Variants in ASH1L observed in about 807,000 individuals in gnomAD.
ASH1L encodes ASH1 like histone lysine methyltransferase.
Under a neutral mutation model 269.0 loss-of-function variants are expected in ASH1L, and 23 were observed. The observed-to-expected ratio is 0.09, with a 90% CI of 0.06 to 0.12. The LOEUF (loss-of-function observed/expected upper bound fraction) is 0.12. Ranked by LOEUF, ASH1L falls within the 10% of genes least tolerant of loss-of-function variation. ASH1L has a pLI of 1.00. For missense variants in ASH1L, 2,912 were observed against 3,567.8 expected, an observed-to-expected ratio of 0.82 and a Z score of 4.68; for synonymous variants, 1,187 against 1,253.5, an observed-to-expected ratio of 0.95 and a Z score of 1.12.
At chr1:155,391,867 A>C (rs2148475654) in intron 7 of ASH1L, among the ~76,000 whole-genome samples, 1 of 152,214 alleles carries the variant, frequency 6.6e-6, no homozygotes, top group South Asian at 2.1e-4. Context: ...GAAGTGGGAG[A>C]ATCACTTGAG....
chr1:155,449,360 CTT>C (rs1265521113), intron 4 of ASH1L, among the ~76,000 whole-genome samples: 4 of 152,144 alleles, frequency 2.6e-5, no homozygotes, highest in Non-Finnish European at 5.9e-5. Context: ...AATTTCATAA[CTT>C]GTGTTACTGA....
chr1:155,339,863 A>G (rs1329003929), intron 25 of ASH1L, among the ~76,000 whole-genome samples: 5 of 152,304 alleles, frequency 3.3e-5, no homozygotes, highest in African/African-American at 1.2e-4. Flanking sequence ...CTAAACATAG[A>G]AAAGGTATTA....
At chr1:155,507,535 A>G (rs1162240673) in intron 2 of ASH1L, among the ~76,000 whole-genome samples, 1 of 152,176 alleles carries the variant, frequency 6.6e-6, no homozygotes, top group Non-Finnish European at 1.5e-5. Flanking sequence ...TTTCAATGCT[A>G]TTTGACTAAT....
At chr1:155,387,499 C>T (rs933016857) in intron 7 of ASH1L, among the ~76,000 whole-genome samples, 6 of 152,120 alleles carry the variant, frequency 3.9e-5, no homozygotes, top group Non-Finnish European at 8.8e-5. Context: ...TATGTGTCTG[C>T]TCTTGTATCA....
chr1:155,415,966 G>A, intron 5 of ASH1L, 43 bp from the exon 6 acceptor site: 4 of 1,372,648 alleles, frequency 2.9e-6, no homozygotes, highest in East Asian at 2.6e-5. Context: ...TGAAAAAAAA[G>A]TTTTCCTACA....
intron 2 of ASH1L, among the ~76,000 whole-genome samples, chr1:155,487,386 T>A (rs1465101856): frequency 2.0e-5 from 3 of 152,254 alleles, no homozygotes; most frequent in Middle Eastern, 3.4e-3. Flanking sequence ...ACTACTTTTT[T>A]ATTTTTTTTA....
At chr1:155,366,253 G>A (rs1339202918) in intron 12 of ASH1L, among the ~76,000 whole-genome samples, 1 of 152,188 alleles carries the variant, frequency 6.6e-6, no homozygotes, top group Non-Finnish European at 1.5e-5. Flanking sequence ...TGCCATGACA[G>A]TTAACAAACA....
At position 155,338,373 on chromosome 1, in the gene ASH1L, T is replaced by G. The variant is rs1322664373; in HGVS notation, c.8519A>C (p.Glu2840Ala). 3.1e-6 allele frequency: 5 copies of G among 1,612,914 alleles called. No individual in the cohort carries two copies. The East Asian group carries it at 8.9e-5, about 29-fold the overall frequency. Reference sequence around the variant, plus strand: ...GTCTTTTAGGGGTGGCTTTGAGCGCTCAGACTTCCAGGATGATCTGCCAGA... The same window carrying G: ...GTCTTTTAGGGGTGGCTTTGAGCGCGCAGACTTCCAGGATGATCTGCCAGA... ...RNGGRSSWKS[E>A]RSKPPLKDLG... The change falls in exon 27 of 28, where the codon GAG becomes GCG. Residue 2840 changes from glutamate (E) to alanine (A), a missense_variant. Physicochemically the swap from Glu to Ala is moderately radical, Grantham distance 107. This residue lies in a region of ASH1L where 154 missense variants were observed against 165.0 expected (regional missense o/e 0.93). Transcript: ENST00000392403.
intron 2 of ASH1L, among the ~76,000 whole-genome samples, chr1:155,501,420 G>A (rs1005692805): frequency 1.3e-5 from 2 of 152,084 alleles, no homozygotes; most frequent in Non-Finnish European, 2.9e-5. Context: ...ACCTAGGCTG[G>A]AGTGCAGTAG....
At chr1:155,426,080 T>A (rs1431364328) in intron 5 of ASH1L, among the ~76,000 whole-genome samples, 1 of 151,484 alleles carries the variant, frequency 6.6e-6, no homozygotes, top group Non-Finnish European at 1.5e-5. Flanking sequence ...TTATTTATTT[T>A]TTAAGACAGG....
intron 1 of ASH1L, among the ~76,000 whole-genome samples, chr1:155,546,373 G>T (rs894052636): frequency 6.6e-6 from 1 of 151,984 alleles, no homozygotes; most frequent in African/African-American, 2.4e-5. Context: ...AATGGTAAAG[G>T]GGAAAGGGAG....
rs200721665 is a variant in ASH1L, at chr1:155,447,334, T to C, written c.5087-8266A>G. On this transcript the variant is annotated intron_variant, in intron 4 of 27. Transcript: ENST00000392403. Reference sequence around the variant, plus strand: ...ACAATTAGGTGATTTTTCTCATGTATTGTTTTTCTTAAAAAATATTAATTT... The same window carrying C: ...ACAATTAGGTGATTTTTCTCATGTACTGTTTTTCTTAAAAAATATTAATTT... Among the ~76,000 whole-genome samples, 201 of 152,324 alleles carry C rather than the reference T, an allele frequency of 1.3e-3. 5 individuals are homozygous for C. In the South Asian group the frequency reaches 0.036, roughly 27 times the overall value.
chr1:155,449,318 A>G (rs1223618252), intron 4 of ASH1L, among the ~76,000 whole-genome samples: 2 of 152,078 alleles, frequency 1.3e-5, no homozygotes, highest in East Asian at 3.9e-4. Flanking sequence ...AATTATTTAG[A>G]AGTGTGTTAT....
intron 10 of ASH1L, among the ~76,000 whole-genome samples, chr1:155,376,661 G>C (rs991474274): frequency 6.6e-6 from 1 of 150,730 alleles, no homozygotes; most frequent in African/African-American, 2.4e-5. Flanking sequence ...CCTGGCGACA[G>C]AGCGCGACTC....
At chr1:155,364,922 TA>T (rs60237031) in intron 12 of ASH1L, among the ~76,000 whole-genome samples, 2,673 of 107,152 alleles carry the variant, frequency 0.025, 77 homozygotes, top group African/African-American at 0.081. Context: ...AGCTCTGTCT[TA>T]AAAAAAAAAA....
At chr1:155,456,650 T>C (rs988375887) in intron 4 of ASH1L, among the ~76,000 whole-genome samples, 3 of 152,152 alleles carry the variant, frequency 2.0e-5, no homozygotes, top group African/African-American at 7.2e-5. Context: ...GGTAGATCTC[T>C]ACCACAGATG....
rs1008839000 is a variant in ASH1L, at chr1:155,418,100, C to T, written c.5829-2177G>A. Among the ~76,000 whole-genome samples, 8 of 152,162 alleles carry T rather than the reference C, an allele frequency of 5.3e-5. No individual in the cohort carries two copies. In the South Asian group the frequency reaches 1.0e-3, roughly 20 times the overall value. On this transcript the variant is annotated intron_variant, in intron 5 of 27. Coordinates refer to ENST00000392403, the MANE Select transcript of ASH1L (RefSeq NM_018489.3). The stretch of plus-strand genomic sequence containing the variant: ...AACAAAAACCAGACATACAATAATG[C>T]GACATCACAATGTCTTGCATCCAAT...
intron 6 of ASH1L, among the ~76,000 whole-genome samples, chr1:155,404,938 G>A (rs1379372845): frequency 1.3e-5 from 2 of 151,942 alleles, no homozygotes; most frequent in Non-Finnish European, 2.9e-5. Context: ...TGAGGCAGGA[G>A]AATCGCTTGA....
chr1:155,489,973 C>CT (rs563706417), intron 2 of ASH1L, among the ~76,000 whole-genome samples: 3,060 of 144,316 alleles, frequency 0.021, 101 homozygotes, highest in African/African-American at 0.071. Flanking sequence ...ACATGTAAGA[C>CT]TTTTTTTTTT....
Sources: gnomAD v4.1 joint callset for allele counts (sites outside exome capture counted in the v4.1 genomes callset) on GRCh38, gnomAD v4.1.1 for gene constraint, gnomAD v4.1.1 regional missense constraint, MANE v1.5 for transcripts, NCBI Gene and HGNC (gene_info 2026-07-23, HGNC 2026-07-21) for gene names.